Variants in FGF14 observed in about 807,000 individuals in gnomAD.
The protein encoded by FGF14 is fibroblast growth factor 14.
A neutral mutation model predicts 25.5 loss-of-function variants in FGF14; 5 were observed. The observed-to-expected ratio is 0.20, with a 90% CI of 0.10 to 0.41. FGF14 has a LOEUF of 0.41. Ranked by LOEUF, FGF14 falls within the 10% of genes least tolerant of loss-of-function variation. FGF14 has a pLI of 1.00. For missense variants in FGF14, 222 were observed against 320.1 expected (o/e 0.69, Z 2.34); for synonymous variants, 138 against 118.3 (o/e 1.17, Z -1.08).
At chr13:102,355,415 G>A (rs2057394175) in intron 1 of FGF14, among the ~76,000 whole-genome samples, 1 of 151,992 alleles carries the variant, frequency 6.6e-6, no homozygotes, top group Non-Finnish European at 1.5e-5. Flanking sequence ...AGTGAGATAT[G>A]TCCAGACTAA....
intron 1 of FGF14, chr13:102,354,204 T>C (rs1046360100): frequency 6.6e-6 from 1 of 152,258 alleles, no homozygotes; most frequent in African/African-American, 2.4e-5. Flanking sequence ...CAATGTAAAT[T>C]GATAGCTTAT....
At chr13:102,180,619 G>A (rs888070307) in intron 1 of FGF14, among the ~76,000 whole-genome samples, 5 of 152,064 alleles carry the variant, frequency 3.3e-5, no homozygotes, top group Non-Finnish European at 7.4e-5. Context: ...GCCAAGAGAA[G>A]CTATTTTGGA....
chr13:101,915,837 T>TTGAC (rs1340473172), intron 1 of FGF14, among the ~76,000 whole-genome samples: 2 of 152,220 alleles, frequency 1.3e-5, no homozygotes, highest in African/African-American at 4.8e-5. Context: ...ATCCCAGGAT[T>TTGAC]TGACTGAAGG....
At chr13:102,091,746 G>A (rs1382471978) in intron 1 of FGF14, among the ~76,000 whole-genome samples, 2 of 152,074 alleles carry the variant, frequency 1.3e-5, no homozygotes, top group East Asian at 1.9e-4. Context: ...CTGGGGGTGG[G>A]AAGCAGCTGC....
rs979402921 is a variant in FGF14, at chr13:101,722,688, C to T, written c.*143G>A. 3.5e-6 allele frequency: 4 copies of T among 1,133,580 alleles called. No homozygotes were observed. The African/African-American group carries it at 4.6e-5, about 13-fold the overall frequency. The allele number at this position is 1,133,580 out of a possible 1,614,324, so 70.2% of individuals were successfully genotyped here. ...CAACAGGTTGAGATTTATCCACTTG[C>T]AACAGAGAAGTTCGGAGACAGCAAA... is the stretch of plus-strand genomic sequence containing the variant. On this transcript the variant is annotated 3_prime_UTR_variant, in exon 5 of 5. Transcript: ENST00000376143.
chr13:102,130,382 TC>T (rs1417679912), intron 1 of FGF14, among the ~76,000 whole-genome samples: 1 of 152,104 alleles, frequency 6.6e-6, no homozygotes, highest in Non-Finnish European at 1.5e-5. Context: ...CCCTCCTCCA[TC>T]TTTGCCCGAA....
chr13:101,834,027 G>C (rs2042803997), intron 3 of FGF14, among the ~76,000 whole-genome samples: 1 of 152,020 alleles, frequency 6.6e-6, no homozygotes, highest in African/African-American at 2.4e-5. Flanking sequence ...CTTCATTTCT[G>C]AAACGAATAA....
At chr13:102,135,017 CCACACACACACACACACACACA>C (rs71125050) in intron 1 of FGF14, among the ~76,000 whole-genome samples, 6 of 142,548 alleles carry the variant, frequency 4.2e-5, no homozygotes, top group East Asian at 4.2e-4. Context: ...GACCCCGTGT[CCACACACACACACACACACACA>C]CACACACACA....
chr13:101,820,630 G>A (rs1419854988), intron 3 of FGF14, among the ~76,000 whole-genome samples: 4 of 88,336 alleles, frequency 4.5e-5, no homozygotes, highest in African/African-American at 9.1e-5. Flanking sequence ...CTATGCAAGG[G>A]GAATTGTGAA....
At chr13:102,318,215 T>C (rs777653762) in intron 1 of FGF14, among the ~76,000 whole-genome samples, 12 of 152,116 alleles carry the variant, frequency 7.9e-5, no homozygotes, top group Non-Finnish European at 7.4e-5. Flanking sequence ...TCTAAACCCC[T>C]GGAAGGAGCC....
intron 1 of FGF14, among the ~76,000 whole-genome samples, chr13:102,188,158 T>A (rs1259256234): frequency 1.3e-5 from 2 of 152,168 alleles, no homozygotes; most frequent in Non-Finnish European, 2.9e-5. Flanking sequence ...AAACATATAT[T>A]GGCTATCTAT....
rs74376307 is a variant in FGF14, at chr13:102,214,892, G to A, written c.208+186579C>T. On this transcript the variant is annotated intron_variant, in intron 1 of 4. Transcript: ENST00000376131. Reference sequence around the variant, plus strand: ...AAGGTTGAGAAATCTTGTTCTAGACGTTCTATCTTGCCTAAGTTGCTCATA... The same window carrying A: ...AAGGTTGAGAAATCTTGTTCTAGACATTCTATCTTGCCTAAGTTGCTCATA... 7.0e-3 allele frequency among the ~76,000 whole-genome samples: 1,070 copies of A among 152,202 alleles called. 3 individuals carry two copies. The highest frequency in any genetic ancestry group is 0.018 in the African/African-American group (728 of 41,552).
intron 1 of FGF14, among the ~76,000 whole-genome samples, chr13:102,150,944 T>G (rs2047057679): frequency 6.6e-6 from 1 of 152,052 alleles, no homozygotes; most frequent in South Asian, 2.1e-4. Context: ...AAGTAGGGAG[T>G]TTAGCAAAGA....
chr13:102,107,778 G>C (rs577334109), intron 1 of FGF14, among the ~76,000 whole-genome samples: 3 of 152,288 alleles, frequency 2.0e-5, no homozygotes, highest in Admixed American at 6.5e-5. Flanking sequence ...AGATGGAATC[G>C]CATGAGCAAA....
chr13:102,266,364 C>T (rs543600500), intron 1 of FGF14, among the ~76,000 whole-genome samples: 14 of 152,138 alleles, frequency 9.2e-5, no homozygotes, highest in African/African-American at 3.4e-4. Flanking sequence ...TAATTGCATA[C>T]CGAGGTCACC....
At chr13:102,343,276 G>A (rs1202545566) in intron 1 of FGF14, among the ~76,000 whole-genome samples, 1 of 152,160 alleles carries the variant, frequency 6.6e-6, no homozygotes, top group Non-Finnish European at 1.5e-5. Flanking sequence ...AAAGAACTGT[G>A]ATGTAAAGGC....
chr13:101,850,504 A>C (rs368914956), intron 3 of FGF14, among the ~76,000 whole-genome samples: 24 of 2,114 alleles, frequency 0.011, no homozygotes, highest in East Asian at 0.028. Flanking sequence ...ATATATATAT[A>C]TATATATATA....
intron 1 of FGF14, among the ~76,000 whole-genome samples, chr13:102,003,514 A>G (rs1362946904): frequency 6.6e-6 from 1 of 152,210 alleles, no homozygotes; most frequent in East Asian, 1.9e-4. Flanking sequence ...ATGGGAATAC[A>G]ATGCTAAGCT....
chr13:101,827,340 A>G (rs999053485), intron 3 of FGF14, among the ~76,000 whole-genome samples: 1 of 152,038 alleles, frequency 6.6e-6, no homozygotes, highest in Non-Finnish European at 1.5e-5. Context: ...ATTGCCAAAT[A>G]TTAACTTGTT....
Sources: allele counts gnomAD v4.1 joint callset (sites outside exome capture counted in the v4.1 genomes callset), GRCh38; gene constraint gnomAD v4.1.1; transcripts MANE v1.5; gene names NCBI Gene and HGNC (gene_info 2026-07-23, HGNC 2026-07-21).